AHCYL2: variants seen among roughly 807,000 people sequenced by gnomAD.
AHCYL2 encodes the protein adenosylhomocysteinase like 2.
A neutral mutation model predicts 81.4 loss-of-function variants in AHCYL2; 28 were observed. The observed-to-expected ratio is 0.34, with a 90% confidence interval of 0.25 to 0.47. The LOEUF is 0.47. Ranked by LOEUF, AHCYL2 falls within the 20% of genes least tolerant of loss-of-function variation. AHCYL2 has a pLI of 1.00. For synonymous variants in AHCYL2, 272 were observed against 290.2 expected (o/e 0.94, Z 0.64); for missense variants, 551 against 785.1 (o/e 0.70, Z 3.56).
At chr7:129,378,557 C>T (rs1221371967) in intron 1 of AHCYL2, among the ~76,000 whole-genome samples, 1 of 152,128 alleles carries the variant, frequency 6.6e-6, no homozygotes, top group Non-Finnish European at 1.5e-5. Flanking sequence ...AAATGAGACT[C>T]ACTAAAGCAT....
In AHCYL2 at chr7:129,266,149, A is replaced by G. The variant is rs916668598; in HGVS notation, c.363+40710A>G. 2.0e-5 allele frequency among the ~76,000 whole-genome samples: 3 copies of G among 152,116 alleles called. No individual in the cohort carries two copies. In the East Asian group the frequency reaches 5.8e-4, roughly 29 times the overall value. ...CTCCTTTTCTTTTTTCTCAGTGCAC[A>G]TTTAACTAGTTTTCAATACATTCGC... On this transcript the variant is annotated intron_variant, in intron 1 of 16. Coordinates refer to ENST00000325006, the MANE Select transcript of AHCYL2 (RefSeq NM_015328.4).
intron 1 of AHCYL2, among the ~76,000 whole-genome samples, chr7:129,336,673 C>A (rs1418505872): frequency 6.6e-6 from 1 of 152,056 alleles, no homozygotes; most frequent in Non-Finnish European, 1.5e-5. Context: ...TGCAGGTGAG[C>A]AGTGAGATCC....
In AHCYL2 at chr7:129,428,372, C is replaced by T. The variant is rs559632883; in HGVS notation, c.*1327C>T. 1.3e-5 allele frequency: 2 copies of T among 152,296 alleles called. No individual in the cohort carries two copies. The highest frequency in any genetic ancestry group is 3.9e-4 in the East Asian group (2 of 5,188). 9.4% of individuals were successfully genotyped at this position (152,296 alleles called of 1,614,324 possible). On this transcript the variant is annotated 3_prime_UTR_variant, in exon 17 of 17. Transcript: ENST00000325006. Reference sequence around the variant, plus strand: ...TAGTAATGTGGTGTGGGCAGCGTGACATTTTATGTCCCACCCAAAAATTGG... The same window carrying T: ...TAGTAATGTGGTGTGGGCAGCGTGATATTTTATGTCCCACCCAAAAATTGG...
At chr7:129,324,155 T>C (rs186902539) in intron 1 of AHCYL2, among the ~76,000 whole-genome samples, 3 of 152,336 alleles carry the variant, frequency 2.0e-5, no homozygotes, top group South Asian at 2.1e-4. Flanking sequence ...AGTGCTGGGA[T>C]TACAGGCATG....
Position 129,336,782 on chromosome 7 carries a change from T to C in AHCYL2, c.364-42856T>C, listed in dbSNP as rs142022082. The stretch of plus-strand genomic sequence containing the variant: ...TTTTTTTTTTGAGACAGGGTCTCAC[T>C]GTCACCCAGGCTGGAGTGCAGTGGC... On this transcript the variant is annotated intron_variant, in intron 1 of 16. Coordinates refer to ENST00000325006, the MANE Select transcript of AHCYL2 (RefSeq NM_015328.4). Among the ~76,000 whole-genome samples the C allele has an allele frequency of 5.1e-3, 780 of 152,262 alleles. 11 individuals are homozygous for C. The highest frequency in any genetic ancestry group is 0.018 in the African/African-American group (745 of 41,542).
chr7:129,345,884 G>C lies in AHCYL2; in HGVS notation c.364-33754G>C, dbSNP rs181387320. Among the ~76,000 whole-genome samples, 385 of 152,210 alleles carry C rather than the reference G, an allele frequency of 2.5e-3. 2 individuals are homozygous for C. The highest frequency in any genetic ancestry group is 4.6e-3 in the Admixed American group (71 of 15,294). On this transcript the variant is annotated intron_variant, in intron 1 of 16. Transcript: ENST00000325006. ...TCCTAGAGGAGGAAGAGCAGGTTTG[G>C]GGGGGTAAGATGATGAGTTCAGTTT...
rs147554512 is a variant in AHCYL2, at chr7:129,339,224, G to A, written c.364-40414G>A. Among the ~76,000 whole-genome samples the A allele has an allele frequency of 6.0e-3, 915 of 152,304 alleles. 6 individuals are homozygous for A. Among genetic ancestry groups the A allele is most frequent in the Admixed American group, 0.01 (154 of 15,294 alleles). On this transcript the variant is annotated intron_variant, in intron 1 of 16. Coordinates refer to ENST00000325006, the MANE Select transcript of AHCYL2 (RefSeq NM_015328.4). The stretch of plus-strand genomic sequence containing the variant: ...TTGTTTTAAAGAACCAGTTCTAGGT[G>A]TAGAAAAACAGACACTCATACGTTC...
rs149028736 is a variant in AHCYL2, at chr7:129,368,605, A to T, written c.364-11033A>T. 2.4e-5 allele frequency: 39 copies of T among 1,596,178 alleles called. No homozygotes were observed. The African/African-American group carries it at 4.7e-4, about 19-fold the overall frequency. On this transcript the variant is annotated intron_variant, in intron 1 of 16. Coordinates refer to ENST00000325006, the MANE Select transcript of AHCYL2 (RefSeq NM_015328.4). This position sits in a 1 kb window ranked among gnomAD's most constrained non-coding sequence, Gnocchi z 4.4. ...TTCTGTTTCTTGATAATGAGAGGCA[A>T]CCATTTCTGACGGGTGACAAGGATC... is the stretch of plus-strand genomic sequence containing the variant.
At chr7:129,410,332 A>C in intron 11 of AHCYL2, 1 of 1,614,206 alleles carries the variant, frequency 6.2e-7, no homozygotes, top group Non-Finnish European at 8.5e-7. Flanking sequence ...CAATGTCATC[A>C]AGCTTTAGCT....
At chr7:129,403,067 C>A (rs763756450) in intron 6 of AHCYL2, among the ~76,000 whole-genome samples, 2 of 151,996 alleles carry the variant, frequency 1.3e-5, no homozygotes, top group Non-Finnish European at 2.9e-5. Context: ...CTAGTAACTA[C>A]AAGTTACCAA....
At chr7:129,331,382 A>T (rs1798415838) in intron 1 of AHCYL2, among the ~76,000 whole-genome samples, 1 of 152,118 alleles carries the variant, frequency 6.6e-6, no homozygotes, top group Non-Finnish European at 1.5e-5. Context: ...TATTTATAAT[A>T]TTATAAATTT....
chr7:129,415,220 C>A (rs1171927640), intron 12 of AHCYL2, among the ~76,000 whole-genome samples: 1 of 152,186 alleles, frequency 6.6e-6, no homozygotes, highest in Non-Finnish European at 1.5e-5. Flanking sequence ...AAATGATTCT[C>A]ATTTCCTGGA....
intron 1 of AHCYL2, among the ~76,000 whole-genome samples, chr7:129,255,250 GAGTCTGTCTCAAAAAAAGAAAAAAA>G (rs1418227186): frequency 3.9e-5 from 6 of 152,090 alleles, no homozygotes; most frequent in Non-Finnish European, 7.3e-5. Context: ...GGCAGAGCGA[GAGTCTGTCTCAAAAAAAGAAAAAAA>G]AGTAAAAAGA....
chr7:129,350,086 T>C (rs1793503531), intron 1 of AHCYL2, among the ~76,000 whole-genome samples: 2 of 152,176 alleles, frequency 1.3e-5, no homozygotes, highest in African/African-American at 2.4e-5. Flanking sequence ...TCAAAAGGCT[T>C]TATAGAAGAT....
At chr7:129,252,695 A>G (rs6950496) in intron 1 of AHCYL2, among the ~76,000 whole-genome samples, 142,928 of 152,218 alleles carry the variant, frequency 0.94, 67,734 homozygotes, top group East Asian at 1. Context: ...TGAGCAAAGG[A>G]GTTTGAGGCT....
At chr7:129,279,446 C>G (rs777690824) in intron 1 of AHCYL2, among the ~76,000 whole-genome samples, 35 of 152,112 alleles carry the variant, frequency 2.3e-4, no homozygotes, top group Non-Finnish European at 4.1e-4. Context: ...TCTTGCATAT[C>G]TTTTGTCCAA....
intron 1 of AHCYL2, among the ~76,000 whole-genome samples, chr7:129,311,055 C>T (rs1797638955): frequency 6.6e-6 from 1 of 151,200 alleles, no homozygotes; most frequent in African/African-American, 2.4e-5. Context: ...TTGTAGTGAG[C>T]CAAGATCACA....
intron 1 of AHCYL2, among the ~76,000 whole-genome samples, chr7:129,241,267 C>T (rs1009179665): frequency 2.0e-5 from 3 of 152,260 alleles, no homozygotes; most frequent in African/African-American, 4.8e-5. Flanking sequence ...GCCTGGCACA[C>T]GTATATGTAT....
intron 12 of AHCYL2, among the ~76,000 whole-genome samples, chr7:129,418,029 T>C (rs1045596137): frequency 6.6e-6 from 1 of 152,132 alleles, no homozygotes; most frequent in African/African-American, 2.4e-5. Context: ...GAGCAAGCCA[T>C]CCGAGCATTC....
Sources: gnomAD v4.1 joint callset for allele counts (sites outside exome capture counted in the v4.1 genomes callset) on GRCh38, gnomAD v4.1.1 for gene constraint, Gnocchi (gnomAD v3.1) non-coding constraint, MANE v1.5 for transcripts, NCBI Gene and HGNC (gene_info 2026-07-23, HGNC 2026-07-21) for gene names.